The following NRP2 variants were observed in gnomAD, a reference collection of about 807,000 sequenced individuals.
The protein encoded by NRP2 is neuropilin-2.
In NRP2, 52 loss-of-function variants were observed where a neutral mutation model predicts 110.4. The observed-to-expected ratio is 0.47, with a 90% CI of 0.38 to 0.59. The LOEUF (loss-of-function observed/expected upper bound fraction) is 0.59, where lower values mean the gene tolerates loss of function less well. Ranked by LOEUF, NRP2 falls within the 20% of genes least tolerant of loss-of-function variation. NRP2 has a pLI of 0.00. For synonymous variants in NRP2, 508 were observed against 468.9 expected (o/e 1.08, Z -1.08); for missense variants, 1,049 against 1,203.0 (o/e 0.87, Z 1.89).
Position 205,766,857 on chromosome 2 carries a change from C to G in NRP2, c.2425+54C>G, listed in dbSNP as rs777026578. The G allele has an allele frequency of 3.2e-6, 5 of 1,541,670 alleles. No individual in the cohort carries two copies. In the South Asian group the frequency reaches 4.5e-5, roughly 14 times the overall value. ...TTTTTTTTGCATGCTTTTTCCTTCC[C>G]CCATGTGATGTGAATTTGATGGGGG... On this transcript the variant is annotated intron_variant, in intron 15 of 16. Transcript: ENST00000357785.
At chr2:205,774,116 G>T (rs569637158) in intron 15 of NRP2, among the ~76,000 whole-genome samples, 5 of 152,138 alleles carry the variant, frequency 3.3e-5, no homozygotes, top group African/African-American at 1.2e-4. Context: ...GTGCATTTTT[G>T]TAAGCTCATA....
chr2:205,732,846 T>C (rs527643650), intron 7 of NRP2, among the ~76,000 whole-genome samples: 12 of 152,260 alleles, frequency 7.9e-5, no homozygotes, highest in African/African-American at 2.9e-4. Flanking sequence ...ATGCTTCTAC[T>C]TGATCATTTA....
chr2:205,734,237 C>T (rs1422644280), intron 7 of NRP2, among the ~76,000 whole-genome samples: 1 of 150,432 alleles, frequency 6.6e-6, no homozygotes, highest in Non-Finnish European at 1.5e-5. Flanking sequence ...ACACACATGC[C>T]TCTAACTCTA....
At chr2:205,716,439 C>T in intron 3 of NRP2, 65 bp downstream of exon 3, 1 of 1,569,630 alleles carries the variant, frequency 6.4e-7, no homozygotes, top group South Asian at 1.1e-5. Flanking sequence ...GGACAGCACC[C>T]AGTGGGCTGA....
intron 3 of NRP2, among the ~76,000 whole-genome samples, chr2:205,717,409 A>G (rs986015898): frequency 6.6e-6 from 1 of 152,152 alleles, no homozygotes; most frequent in African/African-American, 2.4e-5. Context: ...AACTATTCAT[A>G]TATATTTTCT....
chr2:205,778,792 A>T (rs1547476), intron 15 of NRP2: 112,931 of 152,126 alleles, frequency 0.74, 43,523 homozygotes, highest in South Asian at 0.89. Flanking sequence ...AAGTGGCATC[A>T]TCTTTATGTA....
intron 2 of NRP2, among the ~76,000 whole-genome samples, chr2:205,713,979 C>G (rs1233802606): frequency 4.6e-5 from 7 of 152,154 alleles, no homozygotes; most frequent in Non-Finnish European, 1.0e-4. Context: ...TTTCCATTCC[C>G]GCTGATACTA....
Position 205,727,920 on chromosome 2 carries a change from G to A in NRP2, c.1020G>A (p.Thr340=), listed in dbSNP as rs764138566. ...QVDLRFLTML[T]AIATQGAISR... is the part of the protein sequence containing the mutation. Reference sequence around the variant, plus strand: ...ACCTGCGCTTTTTAACCATGCTCACGGCCATCGCAACACAGGGAGCGATTT... The same window carrying A: ...ACCTGCGCTTTTTAACCATGCTCACAGCCATCGCAACACAGGGAGCGATTT... The change falls in exon 7 of 17, where the codon ACG becomes ACA. Residue 340 remains threonine (T), a synonymous_variant. Coordinates refer to ENST00000357785, the MANE Select transcript of NRP2 (RefSeq NM_003872.3). 23 of 1,613,760 alleles carry A rather than the reference G, an allele frequency of 1.4e-5. No homozygotes were observed. The highest frequency in any genetic ancestry group is 6.7e-5 in the African/African-American group (5 of 74,898).
chr2:205,707,828 C>T (rs2056713036), intron 2 of NRP2, among the ~76,000 whole-genome samples: 1 of 152,164 alleles, frequency 6.6e-6, no homozygotes, highest in Non-Finnish European at 1.5e-5. Context: ...ACTGTTCACC[C>T]TGCCGAGTAA....
intron 8 of NRP2, 89 bp from the exon 9 acceptor site, chr2:205,743,114 G>A (rs1483835934): frequency 3.1e-6 from 5 of 1,598,418 alleles, no homozygotes; most frequent in South Asian, 2.2e-5. Context: ...TGACAGTTGG[G>A]CTCTTTTGCA....
At position 205,772,214 on chromosome 2, in the gene NRP2, C is replaced by T. The variant is rs1040327143; in HGVS notation, c.2425+5411C>T. Among the ~76,000 whole-genome samples the T allele has an allele frequency of 3.3e-5, 5 of 152,170 alleles. No individual in the cohort carries two copies. In the East Asian group the frequency reaches 5.8e-4, roughly 18 times the overall value. On this transcript the variant is annotated intron_variant, in intron 15 of 16. Coordinates refer to ENST00000357785, the MANE Select transcript of NRP2 (RefSeq NM_003872.3). ...AAACAAAATTGATTCATGTGAAGCC[C>T]GTAGACCAATGGTTAATACACAGGA...
At chr2:205,752,238 C>T (rs1235845655) in intron 11 of NRP2, among the ~76,000 whole-genome samples, 2 of 152,334 alleles carry the variant, frequency 1.3e-5, no homozygotes, top group East Asian at 1.9e-4. Flanking sequence ...AATTTCCCAC[C>T]GGGCATACCT....
At chr2:205,694,537 G>A (rs891106505) in intron 1 of NRP2, among the ~76,000 whole-genome samples, 4 of 152,178 alleles carry the variant, frequency 2.6e-5, no homozygotes, top group African/African-American at 4.8e-5. Flanking sequence ...CTCACCCAGC[G>A]GGCTCAGTAG....
At chr2:205,743,892 C>T (rs1409977748) in intron 9 of NRP2, among the ~76,000 whole-genome samples, 3 of 152,026 alleles carry the variant, frequency 2.0e-5, no homozygotes, top group Admixed American at 6.6e-5. Context: ...TACAGGTGCC[C>T]GCCACCACAC....
rs2058337052 is a variant in NRP2 at position 205,794,793 on chromosome 2, C to A, written c.2516C>A (p.Thr839Asn). Residue 839 changes from threonine to asparagine, a missense_variant, in exon 17 of 17, where the codon ACC (threonine) becomes AAC (asparagine). Transcript: ENST00000357785. ...GACTGGAGCAATTCTTCTTCTGCAA[C>A]CTCAGGGTCTGGCGCCCCCTCGACC... ...EVDWSNSSSATSGSGAPSTDK... is the reference protein window; with the variant it reads ...EVDWSNSSSANSGSGAPSTDK... 3.7e-6 allele frequency: 6 copies of A among 1,614,092 alleles called. No individual in the cohort carries two copies. In the South Asian group the frequency reaches 5.5e-5, roughly 15 times the overall value.
rs548923275 is a variant in NRP2, at chr2:205,740,347, A to AT, written c.1147-164dup. On this transcript the variant is annotated intron_variant, in intron 7 of 16. Coordinates refer to ENST00000357785, the MANE Select transcript of NRP2 (RefSeq NM_003872.3). ...TCAAGTAGAACAGTGTGAGAAATTA[A>AT]TTTTTTTTACAGTGTTTCTTTAAAA... 8.5e-5 allele frequency among the ~76,000 whole-genome samples: 13 copies of AT among 152,182 alleles called. No homozygotes were observed. In the East Asian group the frequency reaches 2.5e-3, roughly 29 times the overall value.
Position 205,697,741 on chromosome 2 carries a change from A to T in NRP2, c.251+20A>T. ...CTGCAAGTAAGCACCGTCCTGTCCC[A>T]CTGTGTATCCCATCCATGAGATGCA... On this transcript the variant is annotated intron_variant, in intron 2 of 16. Coordinates refer to ENST00000357785, the MANE Select transcript of NRP2 (RefSeq NM_003872.3). 1 of 1,612,868 alleles carries T rather than the reference A, an allele frequency of 6.2e-7. No individual in the cohort carries two copies. The highest frequency in any genetic ancestry group is 8.5e-7 in the Non-Finnish European group (1 of 1,179,150).
At chr2:205,705,033 T>C (rs2056645461) in intron 2 of NRP2, among the ~76,000 whole-genome samples, 1 of 152,240 alleles carries the variant, frequency 6.6e-6, no homozygotes, top group South Asian at 2.1e-4. Flanking sequence ...ATTTGTGTAT[T>C]TTCCTGGAGT....
chr2:205,742,163 G>A (rs849571), intron 8 of NRP2, among the ~76,000 whole-genome samples: 12 of 152,208 alleles, frequency 7.9e-5, no homozygotes, highest in East Asian at 3.9e-4. Context: ...GGGGAACAAC[G>A]TGGAGGATCT....
Sources: gnomAD v4.1 joint callset for allele counts (sites outside exome capture counted in the v4.1 genomes callset) on GRCh38, gnomAD v4.1.1 for gene constraint, MANE v1.5 for transcripts, NCBI Gene and HGNC (gene_info 2026-07-23, HGNC 2026-07-21) for gene names.